CAST: variants seen among roughly 807,000 people sequenced by gnomAD.
CAST encodes MIR583 host.
Under a neutral mutation model 119.6 loss-of-function variants are expected in CAST, and 76 were observed. The observed-to-expected ratio is 0.64, with a 90% CI of 0.53 to 0.77. The LOEUF (loss-of-function observed/expected upper bound fraction) is 0.77, where lower values mean the gene tolerates loss of function less well. Among genes scored for constraint, CAST ranks in the 30% least tolerant of loss-of-function variants. The probability of loss-of-function intolerance (pLI) is 0.00; values close to 1 mark genes in which losing one functional copy is unlikely to be tolerated. For missense variants in CAST, 953 were observed against 946.5 expected, an observed-to-expected ratio of 1.01 and a Z score of -0.09; for synonymous variants, 319 against 331.6, an observed-to-expected ratio of 0.96 and a Z score of 0.41.
chr5:96,104,314 C>T, the CAST span, among the ~76,000 whole-genome samples: 1 of 152,166 alleles, frequency 6.6e-6, no homozygotes, highest in African/African-American at 2.4e-5. Context: ...TTCCCCATGC[C>T]TATGTCCTGA....
chr5:96,145,916 C>T, the CAST span, among the ~76,000 whole-genome samples: 1 of 152,180 alleles, frequency 6.6e-6, no homozygotes, highest in Non-Finnish European at 1.5e-5. Flanking sequence ...TGCTAGCTGA[C>T]AGCTGGTAGC....
the CAST span, among the ~76,000 whole-genome samples, chr5:96,076,525 A>T: frequency 1.3e-5 from 2 of 152,208 alleles, no homozygotes; most frequent in South Asian, 4.1e-4. Flanking sequence ...CAATGCTTAA[A>T]GCAAATATTT....
the CAST span, among the ~76,000 whole-genome samples, chr5:96,005,736 ATTCT>A: frequency 6.6e-6 from 1 of 152,126 alleles, no homozygotes; most frequent in African/African-American, 2.4e-5. Context: ...GTATATGGGA[ATTCT>A]TTCTTCACAA....
chr5:96,645,448 A>ACT (rs1748002811), intron 1 of CAST, among the ~76,000 whole-genome samples: 1 of 152,206 alleles, frequency 6.6e-6, no homozygotes, highest in Non-Finnish European at 1.5e-5. Context: ...GCATGCCCAA[A>ACT]TAATTTTTAA....
At chr5:96,102,153 G>T in the CAST span, among the ~76,000 whole-genome samples, 1 of 152,096 alleles carries the variant, frequency 6.6e-6, no homozygotes, top group Non-Finnish European at 1.5e-5. Context: ...GCCTTTTTTG[G>T]GTGCTCATAC....
At chr5:96,706,241 C>G (rs761735295) in intron 3 of CAST, among the ~76,000 whole-genome samples, 5 of 152,096 alleles carry the variant, frequency 3.3e-5, no homozygotes, top group Admixed American at 6.5e-5. Flanking sequence ...TTTAATATCT[C>G]TTTGTGCTTT....
intron 1 of CAST, among the ~76,000 whole-genome samples, chr5:96,640,737 G>T (rs1400567375): frequency 6.6e-6 from 1 of 152,200 alleles, no homozygotes; most frequent in African/African-American, 2.4e-5. Context: ...GACAGGGGAG[G>T]CCTTTTTATA....
the CAST span, among the ~76,000 whole-genome samples, chr5:96,095,035 G>GT: frequency 6.6e-6 from 1 of 152,164 alleles, no homozygotes. Context: ...GCCTGGAATG[G>GT]TAACTTCTTC....
chr5:96,448,697 G>A, the CAST span, among the ~76,000 whole-genome samples: 1 of 151,990 alleles, frequency 6.6e-6, no homozygotes, highest in Non-Finnish European at 1.5e-5. Context: ...TCTAGAGTAT[G>A]CCCAGGTTTA....
At chr5:96,462,814 T>C in the CAST span, among the ~76,000 whole-genome samples, 2 of 152,122 alleles carry the variant, frequency 1.3e-5, no homozygotes, top group South Asian at 2.1e-4. Flanking sequence ...GTTATCATGA[T>C]AGTGAGGGAG....
At chr5:96,684,084 TTAATTCCCAGCTCTGC>T in intron 2 of CAST, among the ~76,000 whole-genome samples, 1 of 152,292 alleles carries the variant, frequency 6.6e-6, no homozygotes, top group East Asian at 1.9e-4. Flanking sequence ...ATGCCTGGAT[TTAATTCCCAGCTCTGC>T]TAATTCCTAG....
At chr5:96,257,075 G>A in the CAST span, among the ~76,000 whole-genome samples, 7 of 152,224 alleles carry the variant, frequency 4.6e-5, no homozygotes, top group African/African-American at 1.7e-4. Flanking sequence ...AGCATCTGCA[G>A]TGCTGCTGGG....
At chr5:96,002,181 T>C in the CAST span, among the ~76,000 whole-genome samples, 6 of 152,226 alleles carry the variant, frequency 3.9e-5, no homozygotes, top group Admixed American at 3.3e-4. Context: ...ATACCATGCG[T>C]TTTGAAAAGG....
chr5:96,101,790 T>A, the CAST span, among the ~76,000 whole-genome samples: 10 of 152,276 alleles, frequency 6.6e-5, no homozygotes, highest in Admixed American at 5.9e-4. Context: ...TTACAAAAAA[T>A]TTTAACATCT....
At chr5:96,175,493 T>C in the CAST span, among the ~76,000 whole-genome samples, 1 of 152,138 alleles carries the variant, frequency 6.6e-6, no homozygotes, top group East Asian at 1.9e-4. Flanking sequence ...GTATGGAGAA[T>C]TGAAAATAAA....
At chr5:96,065,591 A>C in the CAST span, among the ~76,000 whole-genome samples, 1 of 152,172 alleles carries the variant, frequency 6.6e-6, no homozygotes, top group South Asian at 2.1e-4. Context: ...GGTAAGTGAT[A>C]GGATTTTTTT....
intron 1 of CAST, among the ~76,000 whole-genome samples, chr5:96,574,267 C>G (rs1746626683): frequency 2.0e-5 from 1 of 50,534 alleles, no homozygotes; most frequent in Non-Finnish European, 3.4e-5. Flanking sequence ...CCTTGTTAGC[C>G]AGGATGGTCT....
intron 1 of CAST, among the ~76,000 whole-genome samples, chr5:96,536,088 T>C (rs1480184160): frequency 7.2e-6 from 1 of 139,316 alleles, no homozygotes; most frequent in African/African-American, 2.7e-5. Flanking sequence ...CTGGGTGCAG[T>C]GGCTCAGGCC....
At chr5:96,572,530 C>T (rs1746589653) in intron 1 of CAST, among the ~76,000 whole-genome samples, 1 of 151,886 alleles carries the variant, frequency 6.6e-6, no homozygotes, top group Non-Finnish European at 1.5e-5. Context: ...TAACACTTCA[C>T]TTTGTGCAAA....
Sources: allele counts gnomAD v4.1 joint callset (sites outside exome capture counted in the v4.1 genomes callset), GRCh38; gene constraint gnomAD v4.1.1; transcripts MANE v1.5; gene names NCBI Gene and HGNC (gene_info 2026-07-23, HGNC 2026-07-21).